Variants in KDM1A observed in about 807,000 individuals in gnomAD.
The protein encoded by KDM1A is lysine-specific histone demethylase 1A.
Under a neutral mutation model 109.4 loss-of-function variants are expected in KDM1A, and 49 were observed. The observed-to-expected ratio is 0.45, with a 90% confidence interval of 0.36 to 0.57. KDM1A has a LOEUF of 0.57. Among genes scored for constraint, KDM1A ranks in the 20% least tolerant of loss-of-function variants. The probability of loss-of-function intolerance (pLI) is 0.00; values close to 1 mark genes in which losing one functional copy is unlikely to be tolerated. For synonymous variants in KDM1A, 380 were observed against 415.4 expected (o/e 0.91, Z 1.04); for missense variants, 668 against 1,116.6 (o/e 0.60, Z 5.73).
chr1:23,070,071 C>G (rs1643272804), intron 12 of KDM1A, among the ~76,000 whole-genome samples: 1 of 152,238 alleles, frequency 6.6e-6, no homozygotes, highest in African/African-American at 2.4e-5. Context: ...TTAAGAACTG[C>G]CAAGTGGCCA....
At chr1:23,070,016 C>T (rs1221047721) in intron 12 of KDM1A, among the ~76,000 whole-genome samples, 1 of 152,244 alleles carries the variant, frequency 6.6e-6, no homozygotes, top group African/African-American at 2.4e-5. Context: ...ATCTCCAGCT[C>T]ACAGTCTTCA....
At chr1:23,044,701 T>A (rs1313998112) in intron 3 of KDM1A, among the ~76,000 whole-genome samples, 2 of 152,184 alleles carry the variant, frequency 1.3e-5, no homozygotes, top group Non-Finnish European at 2.9e-5. Context: ...AGCCCTCCAC[T>A]CTTTGTGTTT....
intron 8 of KDM1A, among the ~76,000 whole-genome samples, chr1:23,058,315 G>T (rs907959093): frequency 6.6e-6 from 1 of 152,102 alleles, no homozygotes; most frequent in Admixed American, 6.6e-5. Context: ...CTGACCTCAG[G>T]TGATCCACCC....
chr1:23,037,017 C>T (rs1204957752), intron 2 of KDM1A, among the ~76,000 whole-genome samples: 2 of 152,024 alleles, frequency 1.3e-5, no homozygotes, highest in Admixed American at 6.6e-5. Context: ...TGGTGCATGC[C>T]TGTAATCCCA....
chr1:23,078,475 C>T (rs941582932), intron 16 of KDM1A, among the ~76,000 whole-genome samples: 4 of 152,162 alleles, frequency 2.6e-5, no homozygotes, highest in African/African-American at 4.8e-5. Context: ...GCTTTGAACT[C>T]ATTCATACTC....
intron 3 of KDM1A, 33 bp downstream of exon 3, chr1:23,044,519 A>G (rs758860001): frequency 2.6e-6 from 4 of 1,563,238 alleles, no homozygotes; most frequent in African/African-American, 2.7e-5. Context: ...GCCACTTAGT[A>G]GCAAGAGCCG....
At chr1:23,027,444 C>G (rs1256164419) in intron 1 of KDM1A, among the ~76,000 whole-genome samples, 4 of 126,834 alleles carry the variant, frequency 3.2e-5, no homozygotes, top group Non-Finnish European at 6.4e-5. Context: ...GACAGGGTCT[C>G]GACTCTGTCA....
chr1:23,055,520 T>C (rs1642806701), intron 6 of KDM1A: 1 of 171,278 alleles, frequency 5.8e-6, no homozygotes, highest in Non-Finnish European at 1.2e-5. Context: ...TAGTTGATTT[T>C]TTAATGCTTT....
At chr1:23,029,753 C>G (rs1411183290) in intron 1 of KDM1A, among the ~76,000 whole-genome samples, 1 of 152,208 alleles carries the variant, frequency 6.6e-6, no homozygotes, top group African/African-American at 2.4e-5. Context: ...GATTCTCCTG[C>G]CTCAGCCTCC....
At chr1:23,066,220 GC>G in intron 10 of KDM1A, 149 bp downstream of exon 10, 1 of 625,194 alleles carries the variant, frequency 1.6e-6, no homozygotes, top group Non-Finnish European at 2.7e-6. Flanking sequence ...TATATGTTGG[GC>G]TGGTGCCATT....
In KDM1A at chr1:23,019,893, TG is replaced by T; in HGVS notation, c.299del (p.Gly100GlufsTer2). 1 of 1,569,388 alleles carries T rather than the reference TG, an allele frequency of 6.4e-7. No homozygotes were observed. Among genetic ancestry groups the T allele is most frequent in the Non-Finnish European group, 8.6e-7 (1 of 1,160,644 alleles). Reference sequence around the variant, plus strand: ...CTGGGTCTGCGACCCCCATGGAAACTGGAATAGCAGAGACTCCGGAGGGGCG... The same window carrying T: ...CTGGGTCTGCGACCCCCATGGAAACTGAATAGCAGAGACTCCGGAGGGGCG... ...VPGSATPMET[G>X]IAETPEGRRT... On this transcript the variant is annotated frameshift_variant, in exon 1 of 21. Coordinates refer to ENST00000400181, the MANE Select transcript of KDM1A (RefSeq NM_001009999.3). LOFTEE classifies it high-confidence loss of function.
intron 2 of KDM1A, 133 bp downstream of exon 2, chr1:23,030,767 A>G (rs1376876526): frequency 3.3e-6 from 3 of 908,136 alleles, no homozygotes; most frequent in Non-Finnish European, 4.9e-6. Context: ...GTCTCCTGCC[A>G]TGTGTGTCTT....
chr1:23,040,997 A>T (rs1642311058), intron 2 of KDM1A, among the ~76,000 whole-genome samples: 1 of 152,204 alleles, frequency 6.6e-6, no homozygotes, highest in Non-Finnish European at 1.5e-5. Context: ...CCTGCTGTTA[A>T]TGTGTCCTGA....
chr1:23,065,549 G>A (rs184736083), intron 9 of KDM1A, among the ~76,000 whole-genome samples: 15 of 152,320 alleles, frequency 9.8e-5, no homozygotes, highest in Non-Finnish European at 2.1e-4. Flanking sequence ...CAACATTCCT[G>A]TAATTGCTTA....
chr1:23,081,388 G>A, intron 18 of KDM1A, 58 bp from the exon 19 acceptor site: 1 of 1,600,098 alleles, frequency 6.2e-7, no homozygotes, highest in Non-Finnish European at 8.5e-7. Context: ...GCCTGATAAG[G>A]AAGTTTTTGA....
intron 1 of KDM1A, among the ~76,000 whole-genome samples, chr1:23,023,625 G>C (rs768974272): frequency 7.2e-5 from 11 of 152,152 alleles, no homozygotes; most frequent in Non-Finnish European, 1.5e-4. Flanking sequence ...AAATTAGGAA[G>C]TGTTCCTCAA....
At chr1:23,078,232 T>C (rs899246336) in intron 16 of KDM1A, among the ~76,000 whole-genome samples, 13 of 152,226 alleles carry the variant, frequency 8.5e-5, no homozygotes, top group African/African-American at 2.9e-4. Flanking sequence ...TAGTTGACAG[T>C]GCTGAGAAGA....
chr1:23,053,888 G>C (rs764802610), intron 5 of KDM1A, 49 bp downstream of exon 5: 24 of 992,412 alleles, frequency 2.4e-5, no homozygotes, highest in Non-Finnish European at 3.4e-5. Flanking sequence ...TGTGAAAATT[G>C]ATACGTTCTT....
intron 2 of KDM1A, among the ~76,000 whole-genome samples, chr1:23,042,358 T>A (rs1642361138): frequency 6.6e-6 from 1 of 151,460 alleles, no homozygotes; most frequent in Non-Finnish European, 1.5e-5. Context: ...CCAAATAAAA[T>A]TCAGTTTTCT....
Sources: allele counts gnomAD v4.1 joint callset (sites outside exome capture counted in the v4.1 genomes callset), GRCh38; gene constraint gnomAD v4.1.1; transcripts MANE v1.5; gene names NCBI Gene and HGNC (gene_info 2026-07-23, HGNC 2026-07-21).